Variants in MAP3K7 observed in about 807,000 individuals in gnomAD.
The protein encoded by MAP3K7 is mitogen-activated protein kinase kinase kinase 7.
In MAP3K7, 21 loss-of-function variants were observed where a neutral mutation model predicts 84.8. The ratio of observed to expected loss-of-function variants is 0.25; its 90% CI spans 0.18 to 0.36. MAP3K7 has a LOEUF of 0.36. MAP3K7 is among the 10% of genes least tolerant of loss of function. MAP3K7 has a pLI of 1.00. For missense variants in MAP3K7, 503 were observed against 747.7 expected (o/e 0.67, Z 3.82); for synonymous variants, 241 against 247.7 (o/e 0.97, Z 0.25).
chr6:90,525,071 C>T lies in MAP3K7; in HGVS notation c.1357-1288G>A, dbSNP rs75727235. 5.5e-3 allele frequency among the ~76,000 whole-genome samples: 830 copies of T among 151,486 alleles called. 11 individuals carry two copies. The highest frequency in any genetic ancestry group is 0.019 in the African/African-American group (786 of 41,330). The stretch of plus-strand genomic sequence containing the variant: ...AAGAGAGCAAACTTATCAGTAACCA[C>T]AATAAATGTAAATGAATTACTCTCC... On this transcript the variant is annotated intron_variant, in intron 13 of 16. Transcript: ENST00000369329.
intron 14 of MAP3K7, among the ~76,000 whole-genome samples, 195 bp from the exon 15 acceptor site, chr6:90,519,514 G>T (rs1045775649): frequency 1.3e-5 from 2 of 151,856 alleles, no homozygotes; most frequent in Non-Finnish European, 2.9e-5. Context: ...TCAGATATTA[G>T]AATGCAATTA....
At chr6:90,559,118 G>C (rs1428431649) in intron 5 of MAP3K7, among the ~76,000 whole-genome samples, 2 of 152,160 alleles carry the variant, frequency 1.3e-5, no homozygotes, top group African/African-American at 4.8e-5. Flanking sequence ...AAAAATAAAA[G>C]CTTAAACATT....
At chr6:90,524,321 T>A (rs1391370159) in intron 13 of MAP3K7, among the ~76,000 whole-genome samples, 1 of 151,890 alleles carries the variant, frequency 6.6e-6, no homozygotes, top group Admixed American at 6.6e-5. Context: ...AAGGGAGAAA[T>A]GTATTAACTG....
At chr6:90,553,100 ATTAACCAT>A in intron 7 of MAP3K7, among the ~76,000 whole-genome samples, 1 of 152,326 alleles carries the variant, frequency 6.6e-6, no homozygotes, top group East Asian at 1.9e-4. Context: ...CTCCAGTTAT[ATTAACCAT>A]GTCAGAGATT....
At chr6:90,580,148 G>C (rs890197925) in intron 1 of MAP3K7, among the ~76,000 whole-genome samples, 2 of 152,164 alleles carry the variant, frequency 1.3e-5, no homozygotes, top group African/African-American at 4.8e-5. Flanking sequence ...GACTGCAAAG[G>C]CCAAGCCTAA....
chr6:90,583,671 G>A (rs1237211077), intron 1 of MAP3K7, among the ~76,000 whole-genome samples: 3 of 152,308 alleles, frequency 2.0e-5, no homozygotes, highest in Admixed American at 2.0e-4. Context: ...AGTAACCACA[G>A]GCCCAGAAAA....
At chr6:90,547,147 TA>T in intron 11 of MAP3K7, 110 bp downstream of exon 11, 1 of 1,188,586 alleles carries the variant, frequency 8.4e-7, no homozygotes, top group Non-Finnish European at 1.2e-6. Context: ...ACCTACTTCC[TA>T]TTTAAAAAAA....
At chr6:90,531,790 T>C (rs1248106121) in intron 13 of MAP3K7, among the ~76,000 whole-genome samples, 1 of 151,652 alleles carries the variant, frequency 6.6e-6, no homozygotes, top group Non-Finnish European at 1.5e-5. Flanking sequence ...CTGCCTCCAC[T>C]AAAAATAAAA....
intron 16 of MAP3K7, 51 bp downstream of exon 16, chr6:90,518,396 A>T: frequency 1.0e-6 from 1 of 952,646 alleles, no homozygotes; most frequent in Non-Finnish European, 1.6e-6. Flanking sequence ...ATCATATTTT[A>T]AACTCAAAAT....
chr6:90,535,185 C>G (rs78809973), intron 13 of MAP3K7, among the ~76,000 whole-genome samples: 6,252 of 152,004 alleles, frequency 0.041, 174 homozygotes, highest in Non-Finnish European at 0.062. Context: ...ATATTCACCA[C>G]TTAAATATTT....
intron 15 of MAP3K7, among the ~76,000 whole-genome samples, chr6:90,518,925 A>C (rs1775059699): frequency 6.6e-6 from 1 of 151,768 alleles, no homozygotes; most frequent in African/African-American, 2.4e-5. Flanking sequence ...TGAACATGAG[A>C]ATGTATCACA....
chr6:90,569,521 C>T (rs981537941), intron 2 of MAP3K7, among the ~76,000 whole-genome samples: 1 of 152,086 alleles, frequency 6.6e-6, no homozygotes, highest in African/African-American at 2.4e-5. Flanking sequence ...TGCTCTGTTA[C>T]CCATGCTGCA....
At chr6:90,556,286 G>A (rs1776336564) in intron 6 of MAP3K7, among the ~76,000 whole-genome samples, 1 of 152,106 alleles carries the variant, frequency 6.6e-6, no homozygotes, top group Admixed American at 6.5e-5. Context: ...GAACAATGAG[G>A]ATCAACTGTA....
chr6:90,522,279 TG>T (rs1308997911), intron 14 of MAP3K7, among the ~76,000 whole-genome samples: 1 of 152,130 alleles, frequency 6.6e-6, no homozygotes, highest in Non-Finnish European at 1.5e-5. Context: ...GTAGCAGTTA[TG>T]TGAGAGAGAG....
intron 11 of MAP3K7, 109 bp from the exon 12 acceptor site, chr6:90,544,741 A>G: frequency 1.1e-6 from 1 of 893,182 alleles, no homozygotes; most frequent in South Asian, 1.5e-5. Context: ...TGTTAATAAC[A>G]TTTCATGCAG....
In MAP3K7 at chr6:90,523,692, G is replaced by C. The variant is rs1305343134; in HGVS notation, c.1448C>G (p.Pro483Arg). 7 of 1,611,794 alleles carry C rather than the reference G, an allele frequency of 4.3e-6. No individual in the cohort carries two copies. The highest frequency in any genetic ancestry group is 5.1e-6 in the Non-Finnish European group (6 of 1,178,178). ...AGACTGGTCACCTGTGGAATCATCA[G>C]GGGTCCATGGATGACTTCGAGTTGG... ...EKPTRSHPWT[P>R]DDSTDTNGSD... is the part of the protein sequence containing the mutation. Residue 483 changes from proline (P) to arginine (R), a missense_variant, in exon 14 of 17, where the codon CCT becomes CGT. This residue lies in a region of MAP3K7 where 286 missense variants were observed against 313.6 expected (regional missense o/e 0.91). Transcript: ENST00000369329.
At chr6:90,540,721 C>T (rs777511732) in intron 12 of MAP3K7, among the ~76,000 whole-genome samples, 3 of 151,868 alleles carry the variant, frequency 2.0e-5, no homozygotes, top group Non-Finnish European at 4.4e-5. Context: ...CAGAACAACC[C>T]ATCTTCCATT....
intron 3 of MAP3K7, among the ~76,000 whole-genome samples, chr6:90,563,543 A>C (rs1145731): frequency 0.21 from 31,813 of 151,996 alleles, 3,970 homozygotes; most frequent in Non-Finnish European, 0.29. Flanking sequence ...AAAAAGAAAC[A>C]AAGACTCCAA....
intron 3 of MAP3K7, among the ~76,000 whole-genome samples, chr6:90,562,251 AGT>A (rs1776544632): frequency 6.6e-6 from 1 of 152,068 alleles, no homozygotes; most frequent in Admixed American, 6.5e-5. Flanking sequence ...CAGCCCATGG[AGT>A]GTGAGTCGAA....
Sources: allele counts gnomAD v4.1 joint callset (sites outside exome capture counted in the v4.1 genomes callset), GRCh38; gene constraint gnomAD v4.1.1; regional missense constraint gnomAD v4.1.1; transcripts MANE v1.5; gene names NCBI Gene and HGNC (gene_info 2026-07-23, HGNC 2026-07-21).